The following NEK6 variants were observed in gnomAD, a reference collection of about 807,000 sequenced individuals.
The protein encoded by NEK6 is serine/threonine-protein kinase Nek6.
A neutral mutation model predicts 43.5 loss-of-function variants in NEK6; 27 were observed. The observed-to-expected ratio is 0.62, with a 90% CI of 0.46 to 0.86. NEK6 has a LOEUF of 0.86. Ranked by LOEUF, NEK6 falls within the 40% of genes least tolerant of loss-of-function variation. The pLI is 0.00. For synonymous variants in NEK6, 167 were observed against 164.1 expected, an observed-to-expected ratio of 1.02 and a Z score of -0.14; for missense variants, 318 against 414.4, an observed-to-expected ratio of 0.77 and a Z score of 2.02.
chr9:124,340,329 G>A (rs2131044373), intron 8 of NEK6, among the ~76,000 whole-genome samples: 1 of 152,318 alleles, frequency 6.6e-6, no homozygotes, highest in South Asian at 2.1e-4. Flanking sequence ...TGAGAGGTGT[G>A]GGGAGCATGA....
intron 8 of NEK6, among the ~76,000 whole-genome samples, chr9:124,343,000 C>T (rs1039886262): frequency 2.6e-5 from 4 of 152,202 alleles, no homozygotes; most frequent in Non-Finnish European, 5.9e-5. Flanking sequence ...GTCTTTGTCT[C>T]GGCTCTGCAG....
chr9:124,336,586 C>T (rs1206014957), intron 7 of NEK6, among the ~76,000 whole-genome samples: 2 of 152,224 alleles, frequency 1.3e-5, no homozygotes, highest in Non-Finnish European at 2.9e-5. Flanking sequence ...TCACAGGCCA[C>T]ATCTCAGCCA....
intron 7 of NEK6, among the ~76,000 whole-genome samples, chr9:124,333,403 A>G (rs1829115138): frequency 6.6e-6 from 1 of 152,156 alleles, no homozygotes; most frequent in Non-Finnish European, 1.5e-5. Flanking sequence ...TTAAGATAGA[A>G]GGGGGAGCAG....
Position 124,258,016 on chromosome 9 carries a change from C to A in NEK6, c.-99C>A. The A allele has an allele frequency of 1.0e-6, 1 of 978,596 alleles. No individual in the cohort carries two copies. Among genetic ancestry groups the A allele is most frequent in the Non-Finnish European group, 1.2e-6 (1 of 827,420 alleles). The allele number at this position is 978,596 out of a possible 1,614,324, so 60.6% of individuals were successfully genotyped here. A position where few individuals can be genotyped will look rare whatever the true frequency, so the allele number is the denominator to read the frequency against. The stretch of plus-strand genomic sequence containing the variant: ...CGCTGCGCCGCAAACTCGTGTGGGA[C>A]GCACCGCTCCAGCCGCCCGCGGGCC... On this transcript the variant is annotated 5_prime_UTR_variant, in exon 1 of 10. Transcript: ENST00000320246.
At chr9:124,278,508 T>A (rs1831743643) in intron 1 of NEK6, among the ~76,000 whole-genome samples, 1 of 152,082 alleles carries the variant, frequency 6.6e-6, no homozygotes, top group Admixed American at 6.5e-5. Context: ...CCACAAGCCC[T>A]CACCCCCTCG....
intron 7 of NEK6, among the ~76,000 whole-genome samples, chr9:124,336,011 G>A (rs1350484381): frequency 2.6e-5 from 4 of 152,094 alleles, no homozygotes; most frequent in Admixed American, 6.5e-5. Flanking sequence ...AGGCCAAAGC[G>A]GGCAGATACC....
intron 2 of NEK6, among the ~76,000 whole-genome samples, chr9:124,305,726 C>T (rs1370211495): frequency 6.6e-6 from 1 of 151,950 alleles, no homozygotes; most frequent in Admixed American, 6.6e-5. Context: ...GGAAGCTCCC[C>T]GGGAGGGATG....
At chr9:124,267,664 C>T (rs1403557714) in intron 1 of NEK6, among the ~76,000 whole-genome samples, 2 of 152,174 alleles carry the variant, frequency 1.3e-5, no homozygotes, top group African/African-American at 2.4e-5. Flanking sequence ...GGTGCTGGGC[C>T]GCCCCTGAGC....
At chr9:124,334,284 G>C (rs957249881) in intron 7 of NEK6, among the ~76,000 whole-genome samples, 3 of 152,224 alleles carry the variant, frequency 2.0e-5, no homozygotes, top group African/African-American at 4.8e-5. Flanking sequence ...GGGTTGGATG[G>C]ATGGATGGAT....
chr9:124,288,535 C>T (rs1270093177), intron 1 of NEK6, among the ~76,000 whole-genome samples: 2 of 152,182 alleles, frequency 1.3e-5, no homozygotes, highest in African/African-American at 2.4e-5. Flanking sequence ...CCACTCACCT[C>T]GGCCTCCCAA....
chr9:124,307,827 C>G (rs1460917618), intron 2 of NEK6, among the ~76,000 whole-genome samples: 2 of 152,194 alleles, frequency 1.3e-5, no homozygotes, highest in Admixed American at 6.5e-5. Context: ...GTCAGCCCCA[C>G]CGCCTCACTG....
intron 7 of NEK6, among the ~76,000 whole-genome samples, chr9:124,332,257 A>C (rs1829038053): frequency 1.3e-5 from 2 of 151,768 alleles, no homozygotes; most frequent in South Asian, 4.1e-4. Flanking sequence ...CCTTTGTGGA[A>C]GATACAGCCT....
At chr9:124,348,891 G>A (rs144189872) in intron 9 of NEK6, among the ~76,000 whole-genome samples, 15 of 152,356 alleles carry the variant, frequency 9.8e-5, no homozygotes, top group African/African-American at 3.4e-4. Context: ...ACACAGGCAA[G>A]TTAAAAAGAC....
In NEK6 at chr9:124,324,574, G is replaced by A. The variant is rs527429472; in HGVS notation, c.406-1756G>A. On this transcript the variant is annotated intron_variant, in intron 5 of 9. Coordinates refer to ENST00000320246, the MANE Select transcript of NEK6 (RefSeq NM_014397.6). This position sits in a 1 kb window ranked among gnomAD's most constrained non-coding sequence, Gnocchi z 5.3. ...CCACGCGCGTCCCTGCTTAAATGCT[G>A]TAATGAGGATTCACTCACATCACAG... 8.5e-5 allele frequency among the ~76,000 whole-genome samples: 13 copies of A among 152,304 alleles called. No individual in the cohort carries two copies. The highest frequency in any genetic ancestry group is 5.2e-4 in the Admixed American group (8 of 15,300).
chr9:124,275,132 TC>T lies in NEK6; in HGVS notation c.-30+17049del. 6.6e-6 allele frequency among the ~76,000 whole-genome samples: 1 copy of T among 152,254 alleles called. No homozygotes were observed. Among genetic ancestry groups the T allele is most frequent in the African/African-American group, 2.4e-5 (1 of 41,548 alleles). ...ACTGTGCACAGCACACAGTGGGAAT[TC>T]CACAGATAACAGAAGGAAGGATTGA... On this transcript the variant is annotated intron_variant, in intron 1 of 9. Transcript: ENST00000320246. The surrounding 1 kb of genome is among the most constrained non-coding windows in gnomAD (Gnocchi z 4.4).
At chr9:124,291,403 G>A (rs981430703) in intron 1 of NEK6, among the ~76,000 whole-genome samples, 3 of 152,220 alleles carry the variant, frequency 2.0e-5, no homozygotes, top group African/African-American at 4.8e-5. Flanking sequence ...GAGGTCAGCA[G>A]ATCACCTGAG....
intron 2 of NEK6, among the ~76,000 whole-genome samples, chr9:124,309,875 A>C (rs529707833): frequency 2.6e-5 from 4 of 152,294 alleles, no homozygotes; most frequent in African/African-American, 9.6e-5. Flanking sequence ...CATTCCACAA[A>C]CATGCTCCAA....
chr9:124,261,239 C>T (rs947056066), intron 1 of NEK6: 10 of 258,998 alleles, frequency 3.9e-5, no homozygotes, highest in Non-Finnish European at 1.8e-5. Context: ...TGGCCTTCCT[C>T]GCCCAGGGCC....
intron 1 of NEK6, among the ~76,000 whole-genome samples, chr9:124,278,600 C>T (rs1488400927): frequency 6.6e-6 from 1 of 152,202 alleles, no homozygotes; most frequent in African/African-American, 2.4e-5. Context: ...CCCCCCCACC[C>T]CTGGCCCACC....
Sources: allele counts gnomAD v4.1 joint callset (sites outside exome capture counted in the v4.1 genomes callset), GRCh38; gene constraint gnomAD v4.1.1; non-coding constraint Gnocchi (gnomAD v3.1); transcripts MANE v1.5; gene names NCBI Gene and HGNC (gene_info 2026-07-23, HGNC 2026-07-21).